Variants in LRRTM4 observed in about 807,000 individuals in gnomAD.
LRRTM4 encodes the protein leucine-rich repeat transmembrane neuronal protein 4.
Under a neutral mutation model 47.6 loss-of-function variants are expected in LRRTM4, and 25 were observed. That is an observed-to-expected ratio of 0.53 (90% CI 0.38 to 0.73). The LOEUF (loss-of-function observed/expected upper bound fraction) is 0.73. Among genes scored for constraint, LRRTM4 ranks in the 30% least tolerant of loss-of-function variants. The pLI is 0.00. For synonymous variants in LRRTM4, 311 were observed against 269.5 expected, an observed-to-expected ratio of 1.15 and a Z score of -1.51; for missense variants, 638 against 713.4, an observed-to-expected ratio of 0.89 and a Z score of 1.20.
intron 3 of LRRTM4, among the ~76,000 whole-genome samples, chr2:77,095,199 G>A (rs1670772597): frequency 6.6e-6 from 1 of 152,126 alleles, no homozygotes. Flanking sequence ...AAACCACAGT[G>A]AGATACTACC....
chr2:77,306,361 T>C (rs57045922), intron 3 of LRRTM4, among the ~76,000 whole-genome samples: 157 of 152,344 alleles, frequency 1.0e-3, no homozygotes, highest in African/African-American at 3.6e-3. Flanking sequence ...GGTTGGTATG[T>C]AACCTCCTTG....
chr2:77,456,104 C>T (rs1676528083), intron 3 of LRRTM4, among the ~76,000 whole-genome samples: 1 of 152,128 alleles, frequency 6.6e-6, no homozygotes, highest in Non-Finnish European at 1.5e-5. Flanking sequence ...TTTACCCAGT[C>T]AGTGAGACAT....
At chr2:77,074,234 T>C (rs1263735215) in intron 3 of LRRTM4, among the ~76,000 whole-genome samples, 1 of 152,218 alleles carries the variant, frequency 6.6e-6, no homozygotes, top group Admixed American at 6.5e-5. Context: ...ATAGATGGTC[T>C]AACCTAACCA....
chr2:77,401,198 C>T (rs75246164), intron 3 of LRRTM4, among the ~76,000 whole-genome samples: 2 of 151,900 alleles, frequency 1.3e-5, no homozygotes, highest in African/African-American at 4.8e-5. Context: ...ATTCTTGGGT[C>T]CCTCTGAATA....
chr2:77,121,616 T>C (rs2103956322), intron 3 of LRRTM4, among the ~76,000 whole-genome samples: 1 of 151,910 alleles, frequency 6.6e-6, no homozygotes, highest in African/African-American at 2.4e-5. Context: ...ATGGCTTTGG[T>C]GCAAATAAAT....
chr2:76,911,706 G>GA (rs767188062), intron 3 of LRRTM4, among the ~76,000 whole-genome samples: 136 of 152,212 alleles, frequency 8.9e-4, no homozygotes, highest in Non-Finnish European at 1.4e-3. Context: ...AAGAGAAAGG[G>GA]AGAGACAGGT....
intron 3 of LRRTM4, among the ~76,000 whole-genome samples, chr2:77,407,684 A>AT (rs1558728873): frequency 8.0e-6 from 1 of 125,204 alleles, no homozygotes; most frequent in African/African-American, 3.5e-5. Flanking sequence ...TATAATATTT[A>AT]ATATAATATA....
At chr2:77,011,061 C>T (rs1039829121) in intron 3 of LRRTM4, among the ~76,000 whole-genome samples, 1 of 151,940 alleles carries the variant, frequency 6.6e-6, no homozygotes, top group Admixed American at 6.6e-5. Flanking sequence ...CTATGAGTAG[C>T]CCACAAGAGC....
Position 77,072,358 on chromosome 2 carries a change from GT to G in LRRTM4, c.1552-323443del, listed in dbSNP as rs1680183249. On this transcript the variant is annotated intron_variant, in intron 3 of 3. Coordinates refer to ENST00000409884, the MANE Select transcript of LRRTM4 (RefSeq NM_001134745.3). ...ACTTATAAACTTATACATTTAACATGTTTTTCATTGCAATTGAAACATTATT... is the reference window on the plus strand; with the variant it reads ...ACTTATAAACTTATACATTTAACATGTTTTCATTGCAATTGAAACATTATT... Among the ~76,000 whole-genome samples the G allele has an allele frequency of 2.0e-5, 3 of 152,182 alleles. No homozygotes were observed. The South Asian group carries it at 6.2e-4, about 32-fold the overall frequency.
chr2:77,009,505 AAT>A (rs1677789511), intron 3 of LRRTM4: 1 of 152,130 alleles, frequency 6.6e-6, no homozygotes, highest in Non-Finnish European at 1.5e-5. Context: ...GGACACATTA[AAT>A]ATTAGTAAAC....
intron 3 of LRRTM4, among the ~76,000 whole-genome samples, chr2:77,401,968 T>C (rs1426454975): frequency 6.6e-6 from 1 of 152,020 alleles, no homozygotes; most frequent in East Asian, 1.9e-4. Context: ...GCTTAGGCAA[T>C]GCTTTAGGAT....
chr2:77,444,155 G>A (rs905683101), intron 3 of LRRTM4, among the ~76,000 whole-genome samples: 1 of 152,020 alleles, frequency 6.6e-6, no homozygotes, highest in Non-Finnish European at 1.5e-5. Context: ...AAGAAATAAA[G>A]CTATTTCTTA....
chr2:76,915,249 A>T (rs1674204105), intron 3 of LRRTM4, among the ~76,000 whole-genome samples: 2 of 152,154 alleles, frequency 1.3e-5, no homozygotes, highest in African/African-American at 4.8e-5. Flanking sequence ...TCTGTGGGAG[A>T]GTATGTATCA....
intron 3 of LRRTM4, among the ~76,000 whole-genome samples, chr2:77,094,645 G>C (rs1013745075): frequency 1.3e-5 from 2 of 152,128 alleles, no homozygotes; most frequent in Non-Finnish European, 2.9e-5. Context: ...GTGGTCAATT[G>C]ATTTTTTACA....
chr2:76,942,674 ATCTGTGTGTGTG>A (rs1228800448), intron 3 of LRRTM4, among the ~76,000 whole-genome samples: 3 of 123,246 alleles, frequency 2.4e-5, no homozygotes, highest in African/African-American at 9.6e-5. Context: ...ACCTCTAGGA[ATCTGTGTGTGTG>A]TGTGTGTGTG....
chr2:77,023,917 T>C lies in LRRTM4; in HGVS notation c.1552-275001A>G, dbSNP rs547628482. Among the ~76,000 whole-genome samples the C allele has an allele frequency of 2.6e-5, 4 of 152,260 alleles. No homozygotes were observed. In the East Asian group the frequency reaches 5.8e-4, roughly 22 times the overall value. ...GGTACCAATTTACTGTATTAGTCTG[T>C]TCTCATGCTGCTGATAAAGACGTAC... On this transcript the variant is annotated intron_variant, in intron 3 of 3. Coordinates refer to ENST00000409884, the MANE Select transcript of LRRTM4 (RefSeq NM_001134745.3).
intron 3 of LRRTM4, among the ~76,000 whole-genome samples, chr2:76,872,163 CATA>C (rs1187199325): frequency 6.6e-6 from 1 of 152,064 alleles, no homozygotes; most frequent in Non-Finnish European, 1.5e-5. Flanking sequence ...AACAGCAGTG[CATA>C]ATGTTTAAAA....
chr2:77,118,254 T>C (rs1671440777), intron 3 of LRRTM4, among the ~76,000 whole-genome samples: 1 of 151,798 alleles, frequency 6.6e-6, no homozygotes, highest in South Asian at 2.1e-4. Context: ...TTCCAAACTT[T>C]AATACATTTT....
At chr2:77,431,850 C>T (rs939288231) in intron 3 of LRRTM4, among the ~76,000 whole-genome samples, 6 of 144,166 alleles carry the variant, frequency 4.2e-5, no homozygotes, top group East Asian at 1.9e-4. Flanking sequence ...CTGAGGAGGG[C>T]GGATCATGAG....
Sources: allele counts gnomAD v4.1 joint callset (sites outside exome capture counted in the v4.1 genomes callset), GRCh38; gene constraint gnomAD v4.1.1; transcripts MANE v1.5; gene names NCBI Gene and HGNC (gene_info 2026-07-23, HGNC 2026-07-21).